HIVEP1: variants seen among roughly 807,000 people sequenced by gnomAD.
HIVEP1 encodes the protein HIVEP zinc finger 1, also known as zinc finger protein 40.
In HIVEP1, 36 loss-of-function variants were observed where a neutral mutation model predicts 180.0. That is an observed-to-expected ratio of 0.20 (90% CI 0.15 to 0.26). The LOEUF is 0.26. HIVEP1 is among the 10% of genes least tolerant of loss of function. The pLI, the probability that HIVEP1 is intolerant of heterozygous loss-of-function variation, is 1.00. For synonymous variants in HIVEP1, 1,239 were observed against 1,239.0 expected (o/e 1.00, Z 0.00); for missense variants, 3,143 against 3,268.7 (o/e 0.96, Z 0.94).
Position 12,125,889 on chromosome 6 carries a change from A to G in HIVEP1, c.6075+19A>G, listed in dbSNP as rs985236335. 1 of 1,468,174 alleles carries G rather than the reference A, an allele frequency of 6.8e-7. No homozygotes were observed. Among genetic ancestry groups the G allele is most frequent in the Non-Finnish European group, 9.3e-7 (1 of 1,075,134 alleles). The allele number at this position is 1,468,174 out of a possible 1,614,324, so 90.9% of individuals were successfully genotyped here. ...AAGCAAGGTACTTGAAATATAATTT[A>G]TCTTCAGATATGGTTTGCGCAAATT... On this transcript the variant is annotated intron_variant, in intron 4 of 8. Coordinates refer to ENST00000379388, the MANE Select transcript of HIVEP1 (RefSeq NM_002114.4).
At position 12,079,982 on chromosome 6, in the gene HIVEP1, C is replaced by T. The variant is rs533172851; in HGVS notation, c.41-9202C>T. Among the ~76,000 whole-genome samples the T allele has an allele frequency of 5.0e-4, 66 of 131,952 alleles. No individual in the cohort carries two copies. The South Asian group carries it at 0.01, about 20-fold the overall frequency. The allele number at this position is 131,952 out of a possible 152,430, so 86.6% of individuals were successfully genotyped here. On this transcript the variant is annotated intron_variant, in intron 2 of 8. Coordinates refer to ENST00000379388, the MANE Select transcript of HIVEP1 (RefSeq NM_002114.4). ...TATCTATCTATCTATCTATCTATATCTGGTCTTTGAATTCTCCTTTGAATG... is the reference window on the plus strand; with the variant it reads ...TATCTATCTATCTATCTATCTATATTTGGTCTTTGAATTCTCCTTTGAATG...
At chr6:12,165,339 G>A (rs1326685734), downstream of HIVEP1, among the ~76,000 whole-genome samples, 1 of 152,144 alleles carries the variant, frequency 6.6e-6, no homozygotes, top group Non-Finnish European at 1.5e-5. Context: ...AAACCCCATT[G>A]TCCTTAGAAT....
intron 2 of HIVEP1, among the ~76,000 whole-genome samples, chr6:12,033,322 ATGTGTGTGTG>A (rs58465582): frequency 4.6e-4 from 69 of 148,882 alleles, no homozygotes; most frequent in African/African-American, 1.5e-3. Context: ...GTAGAGGAGC[ATGTGTGTGTG>A]TGTGTGTGTG....
intron 2 of HIVEP1, among the ~76,000 whole-genome samples, chr6:12,017,378 C>T (rs530646680): frequency 7.6e-4 from 116 of 152,294 alleles, no homozygotes; most frequent in African/African-American, 2.7e-3. Context: ...CTGGTAGGTT[C>T]GTGGTCTCGC....
intron 7 of HIVEP1, among the ~76,000 whole-genome samples, chr6:12,137,929 A>G (rs1758795381): frequency 1.3e-5 from 2 of 152,226 alleles, no homozygotes; most frequent in Non-Finnish European, 2.9e-5. Flanking sequence ...AGAGTTGATT[A>G]TAAATATTTT....
chr6:12,098,544 G>A (rs889683296), intron 3 of HIVEP1, among the ~76,000 whole-genome samples: 2 of 152,154 alleles, frequency 1.3e-5, no homozygotes, highest in African/African-American at 4.8e-5. Flanking sequence ...CCCCAGGTTT[G>A]CTACTGTATT....
At position 12,123,231 on chromosome 6, in the gene HIVEP1, A is replaced by T. The variant is rs1353751436; in HGVS notation, c.3436A>T (p.Asn1146Tyr). 6 of 1,614,164 alleles carry T rather than the reference A, an allele frequency of 3.7e-6. No homozygotes were observed. In the South Asian group the frequency reaches 6.6e-5, roughly 18 times the overall value. ...GCACACCAACTCCCTGAGCAGGCCCAACTCATTTGACAAGCCTGAGCCTTT... is the reference window on the plus strand; with the variant it reads ...GCACACCAACTCCCTGAGCAGGCCCTACTCATTTGACAAGCCTGAGCCTTT... ...IQHTNSLSRP[N>Y]SFDKPEPFER... is the part of the protein sequence containing the mutation. The change falls in exon 4 of 9, where the codon AAC becomes TAC. Residue 1146 changes from asparagine to tyrosine, a missense_variant. Asn to Tyr is a moderately radical substitution (Grantham distance 143, BLOSUM62 -2). Transcript: ENST00000379388.
chr6:12,205,427 C>CAA, the HIVEP1 span, among the ~76,000 whole-genome samples: 1 of 151,590 alleles, frequency 6.6e-6, no homozygotes. Context: ...GCCGAGATTG[C>CAA]GCCACTGCAC....
chr6:12,049,460 C>T (rs1024589836), intron 2 of HIVEP1, among the ~76,000 whole-genome samples: 1 of 152,250 alleles, frequency 6.6e-6, no homozygotes, highest in Admixed American at 6.5e-5. Context: ...GTGTGTGAGA[C>T]CTTGCGCGAG....
chr6:12,184,673 G>C, the HIVEP1 span, among the ~76,000 whole-genome samples: 1 of 152,068 alleles, frequency 6.6e-6, no homozygotes, highest in South Asian at 2.1e-4. Flanking sequence ...GAATTTCTTA[G>C]AATGCATTTC....
upstream of HIVEP1, chr6:12,011,987 G>GC (rs1452716105): frequency 8.8e-6 from 1 of 113,214 alleles, no homozygotes; most frequent in African/African-American, 3.3e-5. Context: ...CCCCCGCGCC[G>GC]CCCGGCCCGC....
In HIVEP1 at chr6:12,032,127, T is replaced by C. The variant is rs563858574; in HGVS notation, c.40+16459T>C. On this transcript the variant is annotated intron_variant, in intron 2 of 8. Transcript: ENST00000379388. ...TCCCTACTACTGATGCAAATGTTAG[T>C]TCACTGATAACCTTTTTTTTTTTTT... 4.6e-5 allele frequency among the ~76,000 whole-genome samples: 7 copies of C among 151,976 alleles called. No individual in the cohort carries two copies. The East Asian group carries it at 1.4e-3, about 29-fold the overall frequency.
At chr6:12,126,782 C>T (rs1418298374) in intron 4 of HIVEP1, among the ~76,000 whole-genome samples, 1 of 152,170 alleles carries the variant, frequency 6.6e-6, no homozygotes, top group Non-Finnish European at 1.5e-5. Context: ...ATTCAGCAAA[C>T]ATACTCCAAA....
chr6:12,092,588 A>C (rs1413946667), intron 3 of HIVEP1, among the ~76,000 whole-genome samples: 1 of 152,152 alleles, frequency 6.6e-6, no homozygotes, highest in Non-Finnish European at 1.5e-5. Flanking sequence ...AAATGATGCT[A>C]TATTGTTTTC....
chr6:12,205,802 A>G, the HIVEP1 span, among the ~76,000 whole-genome samples: 1 of 152,218 alleles, frequency 6.6e-6, no homozygotes, highest in African/African-American at 2.4e-5. Context: ...TGACTTCCCT[A>G]AGGGCACAGA....
At chr6:12,085,516 A>G (rs1323643886) in intron 2 of HIVEP1, among the ~76,000 whole-genome samples, 1 of 152,170 alleles carries the variant, frequency 6.6e-6, no homozygotes, top group African/African-American at 2.4e-5. Context: ...TTGTAAGGAT[A>G]CACTAAAGTA....
the HIVEP1 span, among the ~76,000 whole-genome samples, chr6:12,192,585 G>T: frequency 8.5e-5 from 13 of 152,116 alleles, no homozygotes; most frequent in African/African-American, 2.9e-4. Context: ...GTTCTCATGA[G>T]ATCTGATGGT....
chr6:12,135,418 G>A (rs775880482), intron 6 of HIVEP1, among the ~76,000 whole-genome samples: 34 of 152,146 alleles, frequency 2.2e-4, no homozygotes, highest in Non-Finnish European at 4.0e-4. Flanking sequence ...ATGAGAAAGA[G>A]CCAGCAGTCA....
In HIVEP1 at chr6:12,164,336, C is replaced by T. The variant is rs1317611361; in HGVS notation, c.8032C>T (p.Gln2678Ter). ...HSEVFTKPSG[Q>*]QTLSPDRQVP... is the part of the protein sequence containing the mutation. ...TGAAGTTTTTACAAAGCCCTCAGGC[C>T]AGCAGACTCTCTCTCCAGACAGACA... The change falls in exon 9 of 9, where the codon CAG becomes TAG. Residue 2678 changes from glutamine to a stop codon, truncating the protein, a stop_gained. Coordinates refer to ENST00000379388, the MANE Select transcript of HIVEP1 (RefSeq NM_002114.4). LOFTEE classifies it low-confidence loss of function (END_TRUNC). The T allele has an allele frequency of 6.2e-7, 1 of 1,613,964 alleles. No homozygotes were observed.
Sources: gnomAD v4.1 joint callset for allele counts (sites outside exome capture counted in the v4.1 genomes callset) on GRCh38, gnomAD v4.1.1 for gene constraint, MANE v1.5 for transcripts, NCBI Gene and HGNC (gene_info 2026-07-23, HGNC 2026-07-21) for gene names.